TRPM3: variants seen among roughly 807,000 people sequenced by gnomAD.
TRPM3 encodes the protein long transient receptor potential channel 3.
A neutral mutation model predicts 181.2 loss-of-function variants in TRPM3; 77 were observed. The ratio of observed to expected loss-of-function variants is 0.42; its 90% confidence interval spans 0.35 to 0.51. The LOEUF is 0.51. Among genes scored for constraint, TRPM3 ranks in the 20% least tolerant of loss-of-function variants. The pLI, the probability that TRPM3 is intolerant of heterozygous loss-of-function variation, is 0.01. For synonymous variants in TRPM3, 745 were observed against 796.4 expected (o/e 0.94, Z 1.09); for missense variants, 1,759 against 2,196.7 (o/e 0.80, Z 3.98).
intron 9 of TRPM3, among the ~76,000 whole-genome samples, chr9:70,654,465 G>A (rs1283721265): frequency 6.6e-6 from 1 of 152,032 alleles, no homozygotes; most frequent in African/African-American, 2.4e-5. Flanking sequence ...CCTCTCAGAG[G>A]TCATGGACCT....
chr9:71,429,532 T>C (rs891294660), intron 1 of TRPM3, among the ~76,000 whole-genome samples: 1 of 152,224 alleles, frequency 6.6e-6, no homozygotes, highest in African/African-American at 2.4e-5. Flanking sequence ...CTCATGTCAC[T>C]GCAGTTGAAT....
chr9:70,577,508 A>G (rs1445091243), intron 22 of TRPM3, among the ~76,000 whole-genome samples: 1 of 152,228 alleles, frequency 6.6e-6, no homozygotes. Flanking sequence ...AGCCACTGTA[A>G]TAGCCTCTCA....
intron 1 of TRPM3, among the ~76,000 whole-genome samples, chr9:71,049,863 A>T (rs554335616): frequency 6.6e-6 from 1 of 152,286 alleles, no homozygotes; most frequent in Admixed American, 6.5e-5. Flanking sequence ...TCGGAGGCTC[A>T]GTTCCCTCAC....
intron 1 of TRPM3, among the ~76,000 whole-genome samples, chr9:71,002,197 T>C (rs1324605599): frequency 6.6e-6 from 1 of 152,222 alleles, no homozygotes; most frequent in African/African-American, 2.4e-5. Context: ...AATCCATCCG[T>C]TCGCCTAGTT....
At chr9:71,286,413 A>C (rs773555931) in intron 1 of TRPM3, among the ~76,000 whole-genome samples, 9 of 152,180 alleles carry the variant, frequency 5.9e-5, no homozygotes, top group Non-Finnish European at 1.3e-4. Flanking sequence ...TCTTCCATAG[A>C]GAGGGAAAAT....
intron 1 of TRPM3, among the ~76,000 whole-genome samples, chr9:70,932,236 T>G (rs2096782441): frequency 6.6e-6 from 1 of 152,212 alleles, no homozygotes; most frequent in Middle Eastern, 3.4e-3. Flanking sequence ...GAGCTACTGT[T>G]TTTTCTTTAG....
At chr9:71,321,219 C>G (rs1184259598) in intron 1 of TRPM3, among the ~76,000 whole-genome samples, 2 of 152,172 alleles carry the variant, frequency 1.3e-5, no homozygotes, top group Admixed American at 1.3e-4. Flanking sequence ...TTTTAAAATT[C>G]TTCCTACTAA....
chr9:71,067,757 C>T (rs1591139456), intron 1 of TRPM3, among the ~76,000 whole-genome samples: 2 of 152,108 alleles, frequency 1.3e-5, no homozygotes, highest in East Asian at 1.9e-4. Flanking sequence ...TTGCCAAGGG[C>T]TCTTACTTGG....
At chr9:70,659,629 C>G (rs909073060) in intron 9 of TRPM3, among the ~76,000 whole-genome samples, 1 of 152,148 alleles carries the variant, frequency 6.6e-6, no homozygotes, top group Non-Finnish European at 1.5e-5. Context: ...GTTTCAAAAA[C>G]TATAGTATAC....
rs926953815 is a variant in TRPM3 at position 71,416,121 on chromosome 9, G to A, written c.183+30532C>T. Among the ~76,000 whole-genome samples the A allele has an allele frequency of 1.2e-4, 18 of 151,198 alleles. 1 individual carries two copies. The highest frequency in any genetic ancestry group is 7.9e-4 in the Admixed American group (12 of 15,134). On this transcript the variant is annotated intron_variant, in intron 1 of 24. Transcript: ENST00000357533. Reference sequence around the variant, plus strand: ...TTTCACAAAGAAAAAAGACCTGGTAGTTTAACCTATAGTATCGAAGCATCA... The same window carrying A: ...TTTCACAAAGAAAAAAGACCTGGTAATTTAACCTATAGTATCGAAGCATCA...
intron 1 of TRPM3, among the ~76,000 whole-genome samples, chr9:71,246,793 A>G (rs779882248): frequency 5.3e-5 from 8 of 152,218 alleles, no homozygotes; most frequent in Non-Finnish European, 1.2e-4. Flanking sequence ...CGACACTTTA[A>G]TTAGTGCTTT....
intron 1 of TRPM3, among the ~76,000 whole-genome samples, chr9:70,868,748 T>C (rs562763765): frequency 6.6e-6 from 1 of 152,162 alleles, no homozygotes; most frequent in African/African-American, 2.4e-5. Flanking sequence ...ACTAACTTTA[T>C]AGGAACAAAT....
rs2096497992 is a variant in TRPM3, at chr9:70,908,578, T to A, written c.178-44067A>T. 2.6e-5 allele frequency among the ~76,000 whole-genome samples: 4 copies of A among 152,352 alleles called. No individual in the cohort carries two copies. In the South Asian group the frequency reaches 8.3e-4, roughly 32 times the overall value. On this transcript the variant is annotated intron_variant, in intron 1 of 25. Transcript: ENST00000677713. Reference sequence around the variant, plus strand: ...TGGGGGCACACAGCATATTCATGGATTCCAAGATTGAATCTTATAGAAATG... The same window carrying A: ...TGGGGGCACACAGCATATTCATGGAATCCAAGATTGAATCTTATAGAAATG...
chr9:70,947,366 G>T (rs2096945028), intron 1 of TRPM3, among the ~76,000 whole-genome samples: 1 of 152,148 alleles, frequency 6.6e-6, no homozygotes, highest in Non-Finnish European at 1.5e-5. Flanking sequence ...GTCAAAGCCT[G>T]TGCTCTATCT....
intron 1 of TRPM3, among the ~76,000 whole-genome samples, chr9:71,345,019 G>A (rs1043154330): frequency 6.6e-6 from 1 of 152,154 alleles, no homozygotes; most frequent in African/African-American, 2.4e-5. Flanking sequence ...TTAGAGAAAC[G>A]CTCATCAAAA....
rs1554710191 is a variant in TRPM3, at chr9:70,793,491, TAA to T, written c.974-9214_974-9213del. ...AAAAATATATATATATATATATATATAAAACACATATGTATATGTATGCATAT... is the reference window on the plus strand; with the variant it reads ...AAAAATATATATATATATATATATATAACACATATGTATATGTATGCATAT... On this transcript the variant is annotated intron_variant, in intron 6 of 25. Transcript: ENST00000677713. The T allele has an allele frequency of 1.2e-4, 17 of 142,768 alleles. No homozygotes were observed. In the South Asian group the frequency reaches 1.4e-3, roughly 12 times the overall value. The allele number at this position is 142,768 out of a possible 1,614,324, so 8.8% of individuals were successfully genotyped here. A position where few individuals can be genotyped will look rare whatever the true frequency, so the allele number is the denominator to read the frequency against.
At chr9:71,238,800 T>C (rs1398766775) in intron 1 of TRPM3, among the ~76,000 whole-genome samples, 2 of 152,140 alleles carry the variant, frequency 1.3e-5, no homozygotes, top group Non-Finnish European at 2.9e-5. Context: ...AGCAACCATC[T>C]ACCCTTCACC....
chr9:71,349,978 T>C (rs1373734521), intron 1 of TRPM3, among the ~76,000 whole-genome samples: 1 of 34,402 alleles, frequency 2.9e-5, no homozygotes, highest in Non-Finnish European at 8.1e-5. Flanking sequence ...CATATATATA[T>C]ATATATATAT....
At chr9:70,572,552 T>C (rs1368665953) in intron 22 of TRPM3, among the ~76,000 whole-genome samples, 1 of 152,236 alleles carries the variant, frequency 6.6e-6, no homozygotes, top group Non-Finnish European at 1.5e-5. Flanking sequence ...TCTCATTTTT[T>C]ATGACTTTGG....
Sources: gnomAD v4.1 joint callset for allele counts (sites outside exome capture counted in the v4.1 genomes callset) on GRCh38, gnomAD v4.1.1 for gene constraint, MANE v1.5 for transcripts, NCBI Gene and HGNC (gene_info 2026-07-23, HGNC 2026-07-21) for gene names.